Variants in HSD17B2 observed in about 807,000 individuals in gnomAD.
HSD17B2 encodes the protein hydroxysteroid 17-beta dehydrogenase 2, also known as 17-beta-hydroxysteroid dehydrogenase type 2.
In HSD17B2, 32 loss-of-function variants were observed where a neutral mutation model predicts 26.9. The ratio of observed to expected loss-of-function variants is 1.19; its 90% CI spans 0.90 to 1.60. The LOEUF is 1.60. HSD17B2 is among the 40% of genes most tolerant of loss of function. The pLI is 0.00. For synonymous variants in HSD17B2, 246 were observed against 186.7 expected, an observed-to-expected ratio of 1.32 and a Z score of -2.59; for missense variants, 613 against 468.6, an observed-to-expected ratio of 1.31 and a Z score of -2.85.
intron 1 of HSD17B2, among the ~76,000 whole-genome samples, chr16:82,059,201 C>T (rs1914362237): frequency 6.6e-6 from 1 of 152,196 alleles, no homozygotes; most frequent in South Asian, 2.1e-4. Context: ...AATTATTTAT[C>T]CAATGTGCAT....
At chr16:82,054,504 C>T (rs925612367) in intron 1 of HSD17B2, among the ~76,000 whole-genome samples, 1 of 152,148 alleles carries the variant, frequency 6.6e-6, no homozygotes, top group African/African-American at 2.4e-5. Context: ...GCCACCAGAG[C>T]TGGCTAATTT....
At chr16:82,072,698 A>C (rs1914724262) in intron 3 of HSD17B2, among the ~76,000 whole-genome samples, 1 of 152,210 alleles carries the variant, frequency 6.6e-6, no homozygotes, top group African/African-American at 2.4e-5. Context: ...TAATCAGTGA[A>C]GAAATGCAAG....
rs114609204 is a variant in HSD17B2, at chr16:82,078,559, C to A, written c.664+7432C>A. On this transcript the variant is annotated intron_variant, in intron 3 of 4. Transcript: ENST00000199936. ...GGAAATCAGTATATCAAAGAGATATCTGCAGTCCTATGTGTGTTGCAGCAC... is the reference window on the plus strand; with the variant it reads ...GGAAATCAGTATATCAAAGAGATATATGCAGTCCTATGTGTGTTGCAGCAC... Among the ~76,000 whole-genome samples, 441 of 152,310 alleles carry A rather than the reference C, an allele frequency of 2.9e-3. 4 individuals are homozygous for A. The highest frequency in any genetic ancestry group is 0.01 in the African/African-American group (427 of 41,574).
At chr16:82,045,644 C>T (rs1297187761) in intron 1 of HSD17B2, among the ~76,000 whole-genome samples, 2 of 152,216 alleles carry the variant, frequency 1.3e-5, no homozygotes, top group Non-Finnish European at 2.9e-5. Flanking sequence ...TACAATAGTG[C>T]CCTGCTCCTT....
chr16:82,055,593 G>A (rs186838366), intron 1 of HSD17B2, among the ~76,000 whole-genome samples: 289 of 152,262 alleles, frequency 1.9e-3, no homozygotes, highest in African/African-American at 6.4e-3. Flanking sequence ...AGAATAGAAG[G>A]TATGTCCTAA....
intron 1 of HSD17B2, among the ~76,000 whole-genome samples, chr16:82,052,837 C>CA (rs1462307835): frequency 2.6e-5 from 4 of 152,202 alleles, no homozygotes; most frequent in African/African-American, 9.7e-5. Flanking sequence ...CTTAAAACAG[C>CA]AGAAATTTAT....
chr16:82,087,791 T>C (rs895151650), intron 3 of HSD17B2, among the ~76,000 whole-genome samples: 1 of 152,078 alleles, frequency 6.6e-6, no homozygotes, highest in Non-Finnish European at 1.5e-5. Flanking sequence ...AGGGTCTTCT[T>C]GCTGTGCTGT....
intron 1 of HSD17B2, among the ~76,000 whole-genome samples, chr16:82,051,028 A>G (rs1412960886): frequency 6.6e-6 from 1 of 152,208 alleles, no homozygotes; most frequent in Non-Finnish European, 1.5e-5. Flanking sequence ...CTACTAGCTT[A>G]AATATTAACT....
chr16:82,082,774 T>C (rs1411065643), intron 3 of HSD17B2, among the ~76,000 whole-genome samples: 2 of 152,176 alleles, frequency 1.3e-5, no homozygotes, highest in Admixed American at 6.5e-5. Context: ...TTAAGAGTTA[T>C]TATGAAGGAT....
At chr16:82,049,490 C>G (rs1406402926) in intron 1 of HSD17B2, among the ~76,000 whole-genome samples, 3 of 152,148 alleles carry the variant, frequency 2.0e-5, no homozygotes, top group Non-Finnish European at 2.9e-5. Context: ...TTTAACTGCA[C>G]CTTGAAGAAT....
At chr16:82,054,196 A>C (rs1209414605) in intron 1 of HSD17B2, among the ~76,000 whole-genome samples, 1 of 150,688 alleles carries the variant, frequency 6.6e-6, no homozygotes. Flanking sequence ...ACTTAACCTT[A>C]ACCCACATAT....
At chr16:82,056,356 GTTACT>G (rs1914268056) in intron 1 of HSD17B2, 1 of 152,130 alleles carries the variant, frequency 6.6e-6, no homozygotes, top group Admixed American at 6.5e-5. Context: ...TTTTACAAGT[GTTACT>G]TTACTTGTAG....
chr16:82,053,440 A>ATTAT (rs562219443), intron 1 of HSD17B2, among the ~76,000 whole-genome samples: 31 of 151,998 alleles, frequency 2.0e-4, no homozygotes, highest in African/African-American at 6.3e-4. Flanking sequence ...TTTATTTATT[A>ATTAT]TTATTTATTT....
At chr16:82,049,110 G>A (rs971349682) in intron 1 of HSD17B2, among the ~76,000 whole-genome samples, 3 of 152,150 alleles carry the variant, frequency 2.0e-5, no homozygotes, top group Admixed American at 6.5e-5. Flanking sequence ...AGCATTCTCT[G>A]TGACTATTTA....
At chr16:82,064,839 C>T (rs1744449908) in intron 1 of HSD17B2, among the ~76,000 whole-genome samples, 1 of 152,186 alleles carries the variant, frequency 6.6e-6, no homozygotes, top group South Asian at 2.1e-4. Context: ...TCTTGTTACT[C>T]TTCAAGAGGA....
chr16:82,091,613 GC>G (rs1904696928), intron 4 of HSD17B2: 1 of 157,716 alleles, frequency 6.3e-6, no homozygotes, highest in Admixed American at 6.2e-5. Flanking sequence ...GCAAGGTTGA[GC>G]CTTCTTAGGC....
Position 82,035,465 on chromosome 16 carries a change from C to A in HSD17B2, c.41C>A (p.Ala14Asp), listed in dbSNP as rs750535399. Residue 14 changes from alanine (A) to aspartate (D), a missense_variant, in exon 1 of 5, where the codon GCT becomes GAT. Physicochemically the swap from Ala to Asp is moderately radical, Grantham distance 126. Transcript: ENST00000199936. ...TCGGACACAGCATGGATCTGCCTGG[C>A]TGTCCCCACAGTACTATGTGGGACA... ...FFSDTAWICL[A>D]VPTVLCGTVF... The A allele has an allele frequency of 3.7e-6, 6 of 1,613,874 alleles. No homozygotes were observed. In the South Asian group the frequency reaches 6.6e-5, roughly 18 times the overall value.
In HSD17B2 at chr16:82,098,092, G is replaced by C; in HGVS notation, c.820G>C (p.Asp274His). Residue 274 changes from aspartate (D) to histidine (H), a missense_variant, in exon 5 of 5, where the codon GAC becomes CAC. Coordinates refer to ENST00000199936, the MANE Select transcript of HSD17B2 (RefSeq NM_002153.3). ...GFLTNIAGTSDKWEKLEKDIL... is the reference protein window; with the variant it reads ...GFLTNIAGTSHKWEKLEKDIL... Reference sequence around the variant, plus strand: ...CACCCCAGATATCGCAGGCACCAGTGACAAGTGGGAAAAGCTGGAGAAGGA... The same window carrying C: ...CACCCCAGATATCGCAGGCACCAGTCACAAGTGGGAAAAGCTGGAGAAGGA... 1 of 1,612,824 alleles carries C rather than the reference G, an allele frequency of 6.2e-7. No homozygotes were observed. The highest frequency in any genetic ancestry group is 8.5e-7 in the Non-Finnish European group (1 of 1,179,124).
At position 82,041,473 on chromosome 16, in the gene HSD17B2, G is replaced by A. The variant is rs138728041; in HGVS notation, c.265+5784G>A. On this transcript the variant is annotated intron_variant, in intron 1 of 4. Coordinates refer to ENST00000199936, the MANE Select transcript of HSD17B2 (RefSeq NM_002153.3). ...AGTGACTTAATTGTTGGCTTGCCCT[G>A]GACAAGGCTTTATGCTGATTTGGTT... Among the ~76,000 whole-genome samples the A allele has an allele frequency of 8.5e-5, 13 of 152,304 alleles. No individual in the cohort carries two copies. In the East Asian group the frequency reaches 2.1e-3, roughly 25 times the overall value.
Sources: allele counts gnomAD v4.1 joint callset (sites outside exome capture counted in the v4.1 genomes callset), GRCh38; gene constraint gnomAD v4.1.1; transcripts MANE v1.5; gene names NCBI Gene and HGNC (gene_info 2026-07-23, HGNC 2026-07-21).